The following RANBP9 variants were observed in gnomAD, a reference collection of about 807,000 sequenced individuals.
The protein encoded by RANBP9 is ran-binding protein 9.
A neutral mutation model predicts 84.3 loss-of-function variants in RANBP9; 15 were observed. The observed-to-expected ratio is 0.18, with a 90% confidence interval of 0.12 to 0.27. The LOEUF is 0.27. RANBP9 is among the 10% of genes least tolerant of loss of function. The pLI is 1.00. For synonymous variants in RANBP9, 392 were observed against 349.6 expected, an observed-to-expected ratio of 1.12 and a Z score of -1.35; for missense variants, 809 against 912.8, an observed-to-expected ratio of 0.89 and a Z score of 1.46.
intron 1 of RANBP9, among the ~76,000 whole-genome samples, chr6:13,707,361 T>A (rs1399497412): frequency 1.3e-5 from 2 of 152,214 alleles, no homozygotes; most frequent in Non-Finnish European, 2.9e-5. Flanking sequence ...CAACTTTGAC[T>A]TACCTTGGAT....
chr6:13,643,769 G>A (rs13209220), intron 6 of RANBP9, among the ~76,000 whole-genome samples: 3,736 of 152,210 alleles, frequency 0.025, 70 homozygotes, highest in Non-Finnish European at 0.036. Flanking sequence ...TCTGCATCAG[G>A]GTTGTCTATT....
At chr6:13,705,406 CAAAA>C (rs774239782) in intron 1 of RANBP9, among the ~76,000 whole-genome samples, 17 of 26,752 alleles carry the variant, frequency 6.4e-4, no homozygotes, top group African/African-American at 1.5e-3. Flanking sequence ...GATTCTGTCT[CAAAA>C]AAAAAAAAAA....
In RANBP9 at chr6:13,622,400, A is replaced by C; in HGVS notation, c.2152T>G (p.Ser718Ala). 1 of 1,601,344 alleles carries C rather than the reference A, an allele frequency of 6.2e-7. No individual in the cohort carries two copies. Among genetic ancestry groups the C allele is most frequent in the South Asian group, 1.1e-5 (1 of 89,248 alleles). The change falls in exon 14 of 14, where the codon TCC becomes GCC. Residue 718 changes from serine to alanine, a missense_variant. This residue lies in a region of RANBP9 where 233 missense variants were observed against 234.4 expected (regional missense o/e 0.99). Transcript: ENST00000011619. ...LGLMARSGIG[S>A]CAFATVEDYL... The stretch of plus-strand genomic sequence containing the variant: ...TCTTCCACTGTGGCAAATGCGCAGG[A>C]TCCAATTCCTGATCGAGCCATCAGT...
At chr6:13,665,654 A>T (rs1247375747) in intron 2 of RANBP9, among the ~76,000 whole-genome samples, 1 of 152,196 alleles carries the variant, frequency 6.6e-6, no homozygotes, top group Non-Finnish European at 1.5e-5. Context: ...AGATGTGTCT[A>T]CCAAAAAAAT....
At position 13,639,483 on chromosome 6, in the gene RANBP9, T is replaced by C. The variant is rs1210584718; in HGVS notation, c.1525+80A>G. 9.1e-6 allele frequency: 13 copies of C among 1,432,906 alleles called. No individual in the cohort carries two copies. The Admixed American group carries it at 2.1e-4, about 23-fold the overall frequency. The allele number at this position is 1,432,906 out of a possible 1,614,324, so 88.8% of individuals were successfully genotyped here. A position where few individuals can be genotyped will look rare whatever the true frequency, so the allele number is the denominator to read the frequency against. On this transcript the variant is annotated intron_variant, in intron 9 of 13. Transcript: ENST00000011619. ...GTGAGCCACCGTGCCCAGCTGGAAATATACAGATTTTCAAAAGGAAAAAGG... is the reference window on the plus strand; with the variant it reads ...GTGAGCCACCGTGCCCAGCTGGAAACATACAGATTTTCAAAAGGAAAAAGG...
intron 2 of RANBP9, among the ~76,000 whole-genome samples, chr6:13,679,236 A>G (rs1375349264): frequency 6.6e-6 from 1 of 152,186 alleles, no homozygotes; most frequent in African/African-American, 2.4e-5. Flanking sequence ...ATCTTTCTTC[A>G]GCTGCATCTT....
chr6:13,662,617 G>T (rs146713920), intron 2 of RANBP9, among the ~76,000 whole-genome samples: 42 of 152,316 alleles, frequency 2.8e-4, no homozygotes, highest in Non-Finnish European at 3.7e-4. Context: ...CTTCTGCCAT[G>T]TAAGGACACA....
intron 8 of RANBP9, among the ~76,000 whole-genome samples, chr6:13,640,687 G>A (rs1033675000): frequency 6.6e-6 from 1 of 152,108 alleles, no homozygotes; most frequent in Admixed American, 6.6e-5. Flanking sequence ...ACTTATATGG[G>A]TAGTCAAATT....
intron 12 of RANBP9, among the ~76,000 whole-genome samples, chr6:13,628,243 G>A (rs1052914091): frequency 1.3e-5 from 2 of 152,130 alleles, no homozygotes; most frequent in African/African-American, 4.8e-5. Flanking sequence ...TTTTTCTCTG[G>A]TATTTCATTT....
intron 2 of RANBP9, among the ~76,000 whole-genome samples, chr6:13,666,025 A>G (rs1311362752): frequency 6.6e-6 from 1 of 152,346 alleles, no homozygotes; most frequent in South Asian, 2.1e-4. Flanking sequence ...ATGATGTTCT[A>G]TACTTTGATA....
chr6:13,664,926 A>G (rs1174117231), intron 2 of RANBP9, among the ~76,000 whole-genome samples: 1 of 152,204 alleles, frequency 6.6e-6, no homozygotes, highest in Non-Finnish European at 1.5e-5. Context: ...AAATAGATCA[A>G]TGCAACAGAT....
At chr6:13,635,546 G>A (rs1482005393) in intron 10 of RANBP9, among the ~76,000 whole-genome samples, 1 of 151,358 alleles carries the variant, frequency 6.6e-6, no homozygotes, top group Non-Finnish European at 1.5e-5. Flanking sequence ...AATACCACCA[G>A]AGGTAACAAA....
At chr6:13,633,916 T>C (rs1311288925) in intron 11 of RANBP9, among the ~76,000 whole-genome samples, 4 of 143,962 alleles carry the variant, frequency 2.8e-5, no homozygotes, top group Non-Finnish European at 4.5e-5. Flanking sequence ...TAATGTGTCT[T>C]GGAGCCACAT....
rs555710055 is a variant in RANBP9 at position 13,680,768 on chromosome 6, AAAAG to A, written c.683+16013_683+16016del. 6.8e-3 allele frequency among the ~76,000 whole-genome samples: 1,036 copies of A among 151,744 alleles called. 13 individuals carry two copies. The highest frequency in any genetic ancestry group is 0.022 in the African/African-American group (893 of 41,364). On this transcript the variant is annotated intron_variant, in intron 2 of 13. Coordinates refer to ENST00000011619, the MANE Select transcript of RANBP9 (RefSeq NM_005493.3). ...GAGAGTCTGTCTCGGAAAAAAAAAA[AAAAG>A]AAAGAAAGAAAACATGAGCCAGGGA...
At chr6:13,649,447 T>C (rs1765244823) in intron 5 of RANBP9, among the ~76,000 whole-genome samples, 1 of 146,758 alleles carries the variant, frequency 6.8e-6, no homozygotes, top group Non-Finnish European at 1.5e-5. Flanking sequence ...GACTAGTTGC[T>C]TAGTGCCACA....
At chr6:13,710,884 G>C (rs1192952892) in intron 1 of RANBP9, 51 bp downstream of exon 1, 9 of 1,525,000 alleles carry the variant, frequency 5.9e-6, no homozygotes, top group Non-Finnish European at 8.0e-6. Context: ...AGCGGCGGCC[G>C]GCCACGTCGG....
chr6:13,696,649 G>A (rs1195135004), intron 2 of RANBP9, 136 bp downstream of exon 2: 25 of 659,056 alleles, frequency 3.8e-5, no homozygotes, highest in Admixed American at 6.2e-5. Flanking sequence ...GATCCAATCT[G>A]TTATACTGAA....
chr6:13,682,588 G>T (rs1189430288), intron 2 of RANBP9, among the ~76,000 whole-genome samples: 1 of 152,010 alleles, frequency 6.6e-6, no homozygotes, highest in Non-Finnish European at 1.5e-5. Flanking sequence ...GAGTCACTGG[G>T]ATTACAGGCG....
At chr6:13,706,527 T>C (rs976517719) in intron 1 of RANBP9, among the ~76,000 whole-genome samples, 1 of 151,306 alleles carries the variant, frequency 6.6e-6, no homozygotes, top group Non-Finnish European at 1.5e-5. Flanking sequence ...ACCTCCCCTC[T>C]ACTAAAAATA....
Sources: allele counts gnomAD v4.1 joint callset (sites outside exome capture counted in the v4.1 genomes callset), GRCh38; gene constraint gnomAD v4.1.1; regional missense constraint gnomAD v4.1.1; transcripts MANE v1.5; gene names NCBI Gene and HGNC (gene_info 2026-07-23, HGNC 2026-07-21).